Variants in UBN1 observed in about 807,000 individuals in gnomAD.
UBN1 encodes the protein ubinuclein-1.
In UBN1, 17 loss-of-function variants were observed where a neutral mutation model predicts 108.5. The observed-to-expected ratio is 0.16, with a 90% CI of 0.11 to 0.24. UBN1 has a LOEUF of 0.24. Among genes scored for constraint, UBN1 ranks in the 10% least tolerant of loss-of-function variants. The probability of loss-of-function intolerance (pLI) is 1.00; values close to 1 mark genes in which losing one functional copy is unlikely to be tolerated. For missense variants in UBN1, 1,595 were observed against 1,394.4 expected (o/e 1.14, Z -2.29); for synonymous variants, 726 against 564.2 (o/e 1.29, Z -4.07).
intron 14 of UBN1, among the ~76,000 whole-genome samples, chr16:4,873,601 G>GCCAT (rs2087741705): frequency 6.6e-6 from 1 of 152,168 alleles, no homozygotes; most frequent in Non-Finnish European, 1.5e-5. Flanking sequence ...GGTGCCCTTA[G>GCCAT]CCATCCCTAA....
intron 2 of UBN1, 36 bp from the exon 3 acceptor site, chr16:4,857,954 T>C (rs1387930683): frequency 6.8e-7 from 1 of 1,473,382 alleles, no homozygotes; most frequent in East Asian, 2.3e-5. Context: ...TGGGAATATT[T>C]TCTGACTTAT....
intron 10 of UBN1, 31 bp downstream of exon 10, chr16:4,870,665 C>A: frequency 6.2e-7 from 1 of 1,612,546 alleles, no homozygotes; most frequent in Non-Finnish European, 8.5e-7. Context: ...GCAGGTGCAA[C>A]CCTCCCGTCT....
intron 1 of UBN1, among the ~76,000 whole-genome samples, chr16:4,849,964 AAAC>A (rs2086474797): frequency 6.9e-6 from 1 of 145,912 alleles, no homozygotes; most frequent in African/African-American, 2.7e-5. Flanking sequence ...AAAAAAAAAA[AAAC>A]CACAAAAAAA....
At position 4,864,319 on chromosome 16, in the gene UBN1, G is replaced by A. The variant is rs568375851; in HGVS notation, c.1110+3217G>A. ...TTATCCCATGTGTATTGATCCCTTA[G>A]GGGAAAAAACTCTGGGAAGCAAAAT... On this transcript the variant is annotated intron_variant, in intron 7 of 17. Coordinates refer to ENST00000262376, the MANE Select transcript of UBN1 (RefSeq NM_001079514.3). Among the ~76,000 whole-genome samples, 3 of 152,078 alleles carry A rather than the reference G, an allele frequency of 2.0e-5. No individual in the cohort carries two copies. The East Asian group carries it at 5.8e-4, about 29-fold the overall frequency.
intron 12 of UBN1, chr16:4,872,080 T>C: frequency 1.7e-6 from 1 of 571,498 alleles, no homozygotes; most frequent in Non-Finnish European, 2.2e-6. Flanking sequence ...ATTTGTGTCA[T>C]ACATGGGACA....
At chr16:4,876,489 A>C (rs765484922) in intron 15 of UBN1, among the ~76,000 whole-genome samples, 3 of 151,952 alleles carry the variant, frequency 2.0e-5, no homozygotes, top group Non-Finnish European at 4.4e-5. Context: ...ATATCCATGA[A>C]CATTTATGGA....
intron 15 of UBN1, among the ~76,000 whole-genome samples, chr16:4,875,962 C>CTTTT (rs35899089): frequency 7.1e-6 from 1 of 141,212 alleles, no homozygotes; most frequent in Non-Finnish European, 1.5e-5. Context: ...TTCTTTTTTT[C>CTTTT]TTTTTTTTTT....
Position 4,881,226 on chromosome 16 carries a change from G to A in UBN1, c.*1094G>A, listed in dbSNP as rs1039568263. 3 of 152,618 alleles carry A rather than the reference G, an allele frequency of 2.0e-5. No individual in the cohort carries two copies. Among genetic ancestry groups the A allele is most frequent in the East Asian group, 1.9e-4 (1 of 5,194 alleles). 9.5% of individuals were successfully genotyped at this position (152,618 alleles called of 1,614,324 possible). A position where few individuals can be genotyped will look rare whatever the true frequency, so the allele number is the denominator to read the frequency against. On this transcript the variant is annotated 3_prime_UTR_variant, in exon 18 of 18. Transcript: ENST00000262376. ...CTTAGGAATCATTCTTAGGCAGTGC[G>A]GCAGAAGCAGGCCTCTGTGAAGTGT...
intron 10 of UBN1, 98 bp downstream of exon 10, chr16:4,870,732 G>A: frequency 1.5e-5 from 24 of 1,586,398 alleles, no homozygotes; most frequent in Non-Finnish European, 2.1e-5. Flanking sequence ...GAGCCTCTTG[G>A]CTCTTCTTTG....
intron 17 of UBN1, 69 bp from the exon 18 acceptor site, chr16:4,880,013 GT>G: frequency 6.4e-7 from 1 of 1,565,406 alleles, no homozygotes; most frequent in South Asian, 1.1e-5. Flanking sequence ...TTGAAGTTTG[GT>G]TACTACTGCC....
chr16:4,877,724 G>T lies in UBN1; in HGVS notation c.3355+250G>T, dbSNP rs999479348. 8.2e-6 allele frequency: 10 copies of T among 1,217,978 alleles called. No homozygotes were observed. Among genetic ancestry groups the T allele is most frequent in the Non-Finnish European group, 1.0e-5 (10 of 978,620 alleles). The allele number at this position is 1,217,978 out of a possible 1,614,324, so 75.4% of individuals were successfully genotyped here. On this transcript the variant is annotated intron_variant, in intron 17 of 17. Transcript: ENST00000262376. The surrounding 1 kb of genome is among the most constrained non-coding windows in gnomAD (Gnocchi z 4.3). ...CCTGTGTGATCACAGGGAAAGTTGCGGGGGGCAGGGTGGTGCGCTTTTGTG... is the reference window on the plus strand; with the variant it reads ...CCTGTGTGATCACAGGGAAAGTTGCTGGGGGCAGGGTGGTGCGCTTTTGTG...
intron 2 of UBN1, 132 bp from the exon 3 acceptor site, chr16:4,857,858 G>A (rs2086884891): frequency 4.5e-6 from 3 of 666,642 alleles, no homozygotes; most frequent in Non-Finnish European, 7.8e-6. Context: ...TGAGATGGTA[G>A]CATGTTTTCT....
In UBN1 at chr16:4,853,016, A is replaced by G. The variant is rs1424576508; in HGVS notation, c.99A>G (p.Glu33=). 1.2e-6 allele frequency: 2 copies of G among 1,614,126 alleles called. No homozygotes were observed. The highest frequency in any genetic ancestry group is 2.2e-5 in the East Asian group (1 of 44,898). ...GGAAGGAGGAGGCTGGGGCAGGAGA[A>G]CAGCATCAGGACTGTGAGCCGGCTG... ...KSRKEEAGAG[E]QHQDCEPAAA... is the part of the protein sequence containing the mutation. The change falls in exon 2 of 18, where the codon GAA becomes GAG. Residue 33 remains glutamate, a synonymous_variant. Transcript: ENST00000262376.
At chr16:4,873,200 C>G in intron 14 of UBN1, 127 bp downstream of exon 14, 1 of 1,363,956 alleles carries the variant, frequency 7.3e-7, no homozygotes, top group East Asian at 2.4e-5. Context: ...CTCAGGATGA[C>G]ATTCTTGAAG....
At chr16:4,849,048 C>T (rs1452746869) in intron 1 of UBN1, among the ~76,000 whole-genome samples, 2 of 152,058 alleles carry the variant, frequency 1.3e-5, no homozygotes, top group Non-Finnish European at 2.9e-5. Flanking sequence ...TGCCGTGAGC[C>T]GAGATTATGT....
rs539483552 is a variant in UBN1, at chr16:4,859,265, A to G, written c.567+106A>G. 12 of 1,487,118 alleles carry G rather than the reference A, an allele frequency of 8.1e-6. No homozygotes were observed. In the African/African-American group the frequency reaches 1.4e-4, roughly 17 times the overall value. 92.1% of individuals were successfully genotyped at this position (1,487,118 alleles called of 1,614,324 possible). A position where few individuals can be genotyped will look rare whatever the true frequency, so the allele number is the denominator to read the frequency against. ...CGTGGCGCTTGGCCGGCTCAGGAGGATGGTGGAAAGGCAGAGCCGTGCCAG... is the reference window on the plus strand; with the variant it reads ...CGTGGCGCTTGGCCGGCTCAGGAGGGTGGTGGAAAGGCAGAGCCGTGCCAG... On this transcript the variant is annotated intron_variant, in intron 5 of 17. Transcript: ENST00000262376.
intron 3 of UBN1, 91 bp downstream of exon 3, chr16:4,858,167 C>G: frequency 1.2e-6 from 1 of 862,686 alleles, no homozygotes; most frequent in Non-Finnish European, 1.9e-6. Flanking sequence ...ATGTAATAAA[C>G]ACTGATCTGG....
Position 4,882,091 on chromosome 16 carries a change from A to C in UBN1, c.*1959A>C, listed in dbSNP as rs2088089907. The C allele has an allele frequency of 6.6e-6, 1 of 152,440 alleles. No homozygotes were observed. The highest frequency in any genetic ancestry group is 2.1e-4 in the South Asian group (1 of 4,816). The allele number at this position is 152,440 out of a possible 1,614,324, so 9.4% of individuals were successfully genotyped here. On this transcript the variant is annotated 3_prime_UTR_variant, in exon 18 of 18. Transcript: ENST00000262376. ...CCTTGTTTATGCTTTATTTGTGGTA[A>C]TGAAAGAGCGAATGACTGAACAGCC... is the stretch of plus-strand genomic sequence containing the variant.
At chr16:4,866,875 T>G (rs17771215) in intron 7 of UBN1, among the ~76,000 whole-genome samples, 20,958 of 152,152 alleles carry the variant, frequency 0.14, 1,625 homozygotes, top group East Asian at 0.24. Context: ...ACGCAGACAA[T>G]GGACTGTAGT....
Sources: allele counts gnomAD v4.1 joint callset (sites outside exome capture counted in the v4.1 genomes callset), GRCh38; gene constraint gnomAD v4.1.1; non-coding constraint Gnocchi (gnomAD v3.1); transcripts MANE v1.5; gene names NCBI Gene and HGNC (gene_info 2026-07-23, HGNC 2026-07-21).